MAPK8IP3: variants seen among roughly 807,000 people sequenced by gnomAD.
MAPK8IP3 encodes mitogen-activated protein kinase 8 interacting protein 3, also known as C-Jun-amino-terminal kinase-interacting protein 3.
MAPK8IP3 carries 49 observed loss-of-function variants against 157.8 expected under a neutral mutation model. The observed-to-expected ratio is 0.31, with a 90% CI of 0.25 to 0.39. The LOEUF is 0.39. MAPK8IP3 is among the 10% of genes least tolerant of loss of function. MAPK8IP3 has a pLI of 1.00. For synonymous variants in MAPK8IP3, 897 were observed against 777.7 expected, an observed-to-expected ratio of 1.15 and a Z score of -2.55; for missense variants, 1,478 against 1,889.4, an observed-to-expected ratio of 0.78 and a Z score of 4.04.
At chr16:1,711,583 A>G (rs529833014) in intron 1 of MAPK8IP3, among the ~76,000 whole-genome samples, 2 of 152,284 alleles carry the variant, frequency 1.3e-5, no homozygotes, top group Non-Finnish European at 2.9e-5. Context: ...TCACTACAGA[A>G]GCTTGCCCAG....
At chr16:1,755,363 C>G (rs747558956) in intron 8 of MAPK8IP3, among the ~76,000 whole-genome samples, 2 of 152,172 alleles carry the variant, frequency 1.3e-5, no homozygotes, top group African/African-American at 2.4e-5. Flanking sequence ...TACACAATTA[C>G]GAGGACAACA....
At chr16:1,728,333 C>T (rs1027453596) in intron 2 of MAPK8IP3, among the ~76,000 whole-genome samples, 19 of 152,216 alleles carry the variant, frequency 1.2e-4, no homozygotes, top group Admixed American at 2.0e-4. Context: ...TGAGGGACCT[C>T]GCTGCTTGTT....
chr16:1,770,092 C>G lies in MAPK8IP3; in HGVS notation c.*1268C>G, dbSNP rs1200670299. ...TTGGGGAGCTGCCCCACAAGCCCCG[C>G]TGGCCACCGAGGGCTGCAGCCGCTG... On this transcript the variant is annotated 3_prime_UTR_variant, in exon 32 of 32. Transcript: ENST00000610761. 1 of 152,616 alleles carries G rather than the reference C, an allele frequency of 6.6e-6. No individual in the cohort carries two copies. The highest frequency in any genetic ancestry group is 2.4e-5 in the African/African-American group (1 of 41,462). 9.5% of individuals were successfully genotyped at this position (152,616 alleles called of 1,614,324 possible).
At chr16:1,765,855 A>G in intron 20 of MAPK8IP3, 105 bp from the exon 21 acceptor site, 3 of 1,073,102 alleles carry the variant, frequency 2.8e-6, no homozygotes, top group East Asian at 2.6e-5. Flanking sequence ...CTGCTGGGAA[A>G]GTGGAAGGCC....
Position 1,767,869 on chromosome 16 carries a change from C to T in MAPK8IP3, c.3474C>T (p.Leu1158=). 1 of 1,611,526 alleles carries T rather than the reference C, an allele frequency of 6.2e-7. No homozygotes were observed. ...ITALLVAGSR[L]WVGTGNGVVI... is the part of the protein sequence containing the mutation. Reference sequence around the variant, plus strand: ...CCCTGCTTGTCGCGGGCAGCCGGCTCTGGGTGGGCACCGGCAACGGAGTGG... The same window carrying T: ...CCCTGCTTGTCGCGGGCAGCCGGCTTTGGGTGGGCACCGGCAACGGAGTGG... Residue 1158 remains leucine, a synonymous_variant, in exon 28 of 32, where the codon CTC becomes CTT. Transcript: ENST00000610761.
intron 5 of MAPK8IP3, chr16:1,746,698 G>A: frequency 3.0e-6 from 1 of 333,172 alleles, no homozygotes; most frequent in East Asian, 6.3e-5. Context: ...CAAGCTACAG[G>A]GGGCTGCCGC....
chr16:1,731,286 G>A (rs538169569), intron 4 of MAPK8IP3, among the ~76,000 whole-genome samples: 85 of 151,708 alleles, frequency 5.6e-4, no homozygotes, highest in African/African-American at 2.0e-3. Context: ...CCAAGATTGC[G>A]CACTGCACTC....
chr16:1,748,239 C>T lies in MAPK8IP3; in HGVS notation c.995-5C>T. 1 of 1,611,000 alleles carries T rather than the reference C, an allele frequency of 6.2e-7. No individual in the cohort carries two copies. The highest frequency in any genetic ancestry group is 1.3e-5 in the African/African-American group (1 of 74,990). ...GACCCCAGGTGCCCCTGTGCTCTCCCCTAGGCATGGGCAGCAGTGACGAGT... is the reference window on the plus strand; with the variant it reads ...GACCCCAGGTGCCCCTGTGCTCTCCTCTAGGCATGGGCAGCAGTGACGAGT... On this transcript the variant is annotated splice_region_variant and splice_polypyrimidine_tract_variant and intron_variant, in intron 6 of 31. Coordinates refer to ENST00000610761, the MANE Select transcript of MAPK8IP3 (RefSeq NM_001318852.2).
chr16:1,736,907 T>C (rs560957315), intron 4 of MAPK8IP3, among the ~76,000 whole-genome samples: 591 of 10,572 alleles, frequency 0.056, 88 homozygotes, highest in African/African-American at 0.32. Context: ...TGTGACCGTC[T>C]GTGTGAGTGA....
At chr16:1,744,336 C>A in intron 5 of MAPK8IP3, 1 of 986,004 alleles carries the variant, frequency 1.0e-6, no homozygotes, top group Non-Finnish European at 1.2e-6. Flanking sequence ...TGGGACTTCT[C>A]CAGAAGCTTA....
chr16:1,764,905 C>T, intron 19 of MAPK8IP3, 108 bp from the exon 20 acceptor site: 2 of 1,106,206 alleles, frequency 1.8e-6, no homozygotes, highest in Non-Finnish European at 2.6e-6. Flanking sequence ...TCCCCTCAAG[C>T]TGTAGTCAAG....
intron 1 of MAPK8IP3, chr16:1,708,030 C>T (rs1336216264): frequency 6.6e-6 from 1 of 152,170 alleles, no homozygotes; most frequent in African/African-American, 2.4e-5. Flanking sequence ...TCGTGTCTGT[C>T]GCGAGGTGGT....
chr16:1,732,459 G>A (rs1195502957), intron 4 of MAPK8IP3, among the ~76,000 whole-genome samples: 1 of 152,246 alleles, frequency 6.6e-6, no homozygotes, highest in Non-Finnish European at 1.5e-5. Context: ...CTCTGCTTCC[G>A]AGTCTCTGGA....
intron 1 of MAPK8IP3, among the ~76,000 whole-genome samples, chr16:1,709,024 C>A (rs2037582549): frequency 6.6e-6 from 1 of 152,184 alleles, no homozygotes; most frequent in Admixed American, 6.5e-5. Context: ...TGTCTTGTTG[C>A]AGAGGAGCTC....
At chr16:1,758,219 G>T in intron 9 of MAPK8IP3, 60 bp downstream of exon 9, 1 of 1,599,342 alleles carries the variant, frequency 6.3e-7, no homozygotes, top group South Asian at 1.1e-5. Flanking sequence ...TGGGTGGACG[G>T]GGGATGCCCC....
intron 4 of MAPK8IP3, among the ~76,000 whole-genome samples, chr16:1,732,369 C>A (rs1172148280): frequency 6.6e-6 from 1 of 152,250 alleles, no homozygotes; most frequent in Non-Finnish European, 1.5e-5. Flanking sequence ...GGGGGTTACA[C>A]CTGCAAACGA....
intron 10 of MAPK8IP3, 119 bp downstream of exon 10, chr16:1,759,114 G>A: frequency 7.4e-7 from 1 of 1,358,790 alleles, no homozygotes; most frequent in East Asian, 2.4e-5. Flanking sequence ...GCCGGGGTCA[G>A]GGGGGCAGCC....
rs572714597 is a variant in MAPK8IP3 at position 1,763,649 on chromosome 16, C to T, written c.1899-8C>T. The T allele has an allele frequency of 3.5e-5, 54 of 1,555,078 alleles. No homozygotes were observed. In the East Asian group the frequency reaches 1.2e-3, roughly 34 times the overall value. On this transcript the variant is annotated splice_polypyrimidine_tract_variant and splice_region_variant and intron_variant, in intron 16 of 31. Transcript: ENST00000610761. ...GACAGAGACATCACCCATCATTCTT[C>T]CACTCAGCGACTGCACGTCCTCCGC...
intron 2 of MAPK8IP3, among the ~76,000 whole-genome samples, chr16:1,728,163 C>T (rs547726422): frequency 1.3e-5 from 2 of 152,332 alleles, no homozygotes; most frequent in East Asian, 1.9e-4. Context: ...TGCGGCTGCC[C>T]GTCGGCCTGT....
Sources: allele counts gnomAD v4.1 joint callset (sites outside exome capture counted in the v4.1 genomes callset), GRCh38; gene constraint gnomAD v4.1.1; transcripts MANE v1.5; gene names NCBI Gene and HGNC (gene_info 2026-07-23, HGNC 2026-07-21).